The following AFAP1 variants were observed in gnomAD, a reference collection of about 807,000 sequenced individuals.
AFAP1 encodes the protein actin filament associated protein 1, also known as actin filament-associated protein 1.
In AFAP1, 75 loss-of-function variants were observed where a neutral mutation model predicts 93.9. That is an observed-to-expected ratio of 0.80 (90% CI 0.66 to 0.97). The LOEUF (loss-of-function observed/expected upper bound fraction) is 0.97, where lower values mean the gene tolerates loss of function less well. Ranked by LOEUF, AFAP1 falls within the 50% of genes least tolerant of loss-of-function variation. The pLI is 0.00. For synonymous variants in AFAP1, 517 were observed against 430.7 expected (o/e 1.20, Z -2.48); for missense variants, 1,201 against 1,050.8 (o/e 1.14, Z -1.98).
chr4:7,784,557 G>T (rs1717087456), intron 12 of AFAP1, among the ~76,000 whole-genome samples: 1 of 152,212 alleles, frequency 6.6e-6, no homozygotes, highest in Admixed American at 6.5e-5. Flanking sequence ...GGCAGATCAA[G>T]TGATGAGAAG....
At chr4:7,798,132 C>T (rs1718627486) in intron 10 of AFAP1, among the ~76,000 whole-genome samples, 1 of 114,698 alleles carries the variant, frequency 8.7e-6, no homozygotes, top group Non-Finnish European at 2.0e-5. Flanking sequence ...CACAGCACTG[C>T]AACTCTATTG....
intron 2 of AFAP1, among the ~76,000 whole-genome samples, chr4:7,870,923 T>G (rs1364809131): frequency 6.6e-6 from 1 of 152,190 alleles, no homozygotes; most frequent in Non-Finnish European, 1.5e-5. Flanking sequence ...GTGAAGTGTA[T>G]GGCCTGTGAA....
Position 7,761,213 on chromosome 4 carries a change from T to TTTGA in AFAP1, c.*2548_*2551dup, listed in dbSNP as rs1491382381. On this transcript the variant is annotated 3_prime_UTR_variant, in exon 18 of 18. Transcript: ENST00000420658. ...TTATTCTGAAGTAAATGCTTTAAAC[T>TTTGA]TTGATGGAATGTGAAATTTCAAGGG... 6.6e-6 allele frequency: 1 copy of TTTGA among 152,230 alleles called. No homozygotes were observed. Among genetic ancestry groups the TTTGA allele is most frequent in the Non-Finnish European group, 1.5e-5 (1 of 68,036 alleles). 9.4% of individuals were successfully genotyped at this position (152,230 alleles called of 1,614,324 possible).
chr4:7,781,828 C>A (rs1341429875), intron 12 of AFAP1, among the ~76,000 whole-genome samples: 1 of 152,162 alleles, frequency 6.6e-6, no homozygotes, highest in Non-Finnish European at 1.5e-5. Flanking sequence ...ACAGACCCAA[C>A]ACAAGCATGC....
chr4:7,804,578 G>A (rs914331303), intron 9 of AFAP1, among the ~76,000 whole-genome samples: 7 of 152,160 alleles, frequency 4.6e-5, no homozygotes, highest in Admixed American at 2.6e-4. Context: ...CAGCTGGTCC[G>A]GATATGGGGC....
chr4:7,910,451 T>C (rs1050317762), intron 1 of AFAP1, among the ~76,000 whole-genome samples: 3 of 152,142 alleles, frequency 2.0e-5, no homozygotes, highest in Non-Finnish European at 4.4e-5. Flanking sequence ...TAAGGTGATA[T>C]CAAGGAATTT....
At chr4:7,783,227 CCTCCCAGG>C (rs1012942940) in intron 12 of AFAP1, among the ~76,000 whole-genome samples, 5 of 152,178 alleles carry the variant, frequency 3.3e-5, no homozygotes, top group African/African-American at 1.2e-4. Flanking sequence ...GCAGCCTCCG[CCTCCCAGG>C]CTCAAGCAAT....
intron 1 of AFAP1, among the ~76,000 whole-genome samples, chr4:7,878,013 T>G (rs1161540072): frequency 6.6e-6 from 1 of 152,128 alleles, no homozygotes; most frequent in African/African-American, 2.4e-5. Flanking sequence ...ATGGAAGCAG[T>G]GAGCACAAAC....
Position 7,906,044 on chromosome 4 carries a change from T to C in AFAP1, c.-3+33612A>G, listed in dbSNP as rs16841394. Among the ~76,000 whole-genome samples the C allele has an allele frequency of 4.1e-3, 620 of 152,210 alleles. 4 individuals carry two copies. The highest frequency in any genetic ancestry group is 0.014 in the African/African-American group (591 of 41,522). On this transcript the variant is annotated intron_variant, in intron 1 of 17. Coordinates refer to ENST00000420658, the MANE Select transcript of AFAP1 (RefSeq NM_001134647.2). Reference sequence around the variant, plus strand: ...AGGGAGAGAGGACAAGATACCTCAATGCTCCAAAATGAATAGAAACCTCCC... The same window carrying C: ...AGGGAGAGAGGACAAGATACCTCAACGCTCCAAAATGAATAGAAACCTCCC...
chr4:7,829,565 C>G (rs1171983592), intron 6 of AFAP1, among the ~76,000 whole-genome samples: 1 of 152,204 alleles, frequency 6.6e-6, no homozygotes, highest in African/African-American at 2.4e-5. Context: ...GATATAAACA[C>G]AGTTCACAGA....
chr4:7,884,246 A>G (rs557364084), intron 1 of AFAP1, among the ~76,000 whole-genome samples: 1 of 152,358 alleles, frequency 6.6e-6, no homozygotes, highest in African/African-American at 2.4e-5. Flanking sequence ...TAAAGCCTGC[A>G]GAACTATGAG....
At chr4:7,898,371 G>T (rs1718908512) in intron 1 of AFAP1, among the ~76,000 whole-genome samples, 1 of 151,840 alleles carries the variant, frequency 6.6e-6, no homozygotes, top group South Asian at 2.1e-4. Flanking sequence ...TCATGCCATT[G>T]CACTCCAGCC....
chr4:7,886,750 C>T (rs914887910), intron 1 of AFAP1, among the ~76,000 whole-genome samples: 14 of 152,244 alleles, frequency 9.2e-5, no homozygotes, highest in Middle Eastern at 3.4e-3. Flanking sequence ...ATATACAGAA[C>T]GTGATAATGG....
At chr4:7,932,779 T>C (rs1721150060) in intron 1 of AFAP1, among the ~76,000 whole-genome samples, 1 of 152,130 alleles carries the variant, frequency 6.6e-6, no homozygotes. Context: ...TCCAGCATTT[T>C]GGAAGGCCAA....
chr4:7,846,993 C>A (rs1172306109), intron 4 of AFAP1, among the ~76,000 whole-genome samples: 1 of 152,166 alleles, frequency 6.6e-6, no homozygotes, highest in Non-Finnish European at 1.5e-5. Flanking sequence ...GAGTTGAGGT[C>A]TACAGTTATG....
intron 1 of AFAP1, among the ~76,000 whole-genome samples, chr4:7,936,113 G>A (rs1197295750): frequency 6.6e-6 from 1 of 152,256 alleles, no homozygotes; most frequent in Middle Eastern, 3.4e-3. Flanking sequence ...ATCCTACTGA[G>A]TGAAGCAAAA....
chr4:7,842,808 G>C (rs1713214504), intron 5 of AFAP1: 1 of 258,304 alleles, frequency 3.9e-6, no homozygotes, highest in Non-Finnish European at 7.5e-6. Context: ...CTACAAATGA[G>C]AAAATCCATC....
chr4:7,869,030 AAAAG>A (rs1440571577), intron 2 of AFAP1, among the ~76,000 whole-genome samples: 10 of 151,792 alleles, frequency 6.6e-5, no homozygotes, highest in South Asian at 2.1e-4. Flanking sequence ...AGGGAAAGAA[AAAAG>A]AAAGAAAAGA....
chr4:7,804,618 G>A (rs942705270), intron 9 of AFAP1, among the ~76,000 whole-genome samples: 2 of 152,178 alleles, frequency 1.3e-5, no homozygotes, highest in Admixed American at 1.3e-4. Context: ...GGTGGCTCTC[G>A]AATTCCGGCA....
Sources: gnomAD v4.1 joint callset for allele counts (sites outside exome capture counted in the v4.1 genomes callset) on GRCh38, gnomAD v4.1.1 for gene constraint, MANE v1.5 for transcripts, NCBI Gene and HGNC (gene_info 2026-07-23, HGNC 2026-07-21) for gene names.